Variants in SBF2 observed in about 807,000 individuals in gnomAD.
SBF2 encodes the protein SET binding factor 2.
In SBF2, 112 loss-of-function variants were observed where a neutral mutation model predicts 225.2. That is an observed-to-expected ratio of 0.50 (90% CI 0.43 to 0.58). The LOEUF is 0.58. Ranked by LOEUF, SBF2 falls within the 20% of genes least tolerant of loss-of-function variation. The pLI is 0.00. For missense variants in SBF2, 1,996 were observed against 2,206.2 expected (o/e 0.90, Z 1.91); for synonymous variants, 763 against 773.3 (o/e 0.99, Z 0.22).
chr11:9,892,433 C>T (rs909596973), intron 17 of SBF2, among the ~76,000 whole-genome samples: 4 of 152,094 alleles, frequency 2.6e-5, no homozygotes, highest in African/African-American at 9.7e-5. Context: ...GGCCCCTGAC[C>T]CTCATTCCCA....
At chr11:9,971,666 G>A (rs1946464734) in intron 13 of SBF2, among the ~76,000 whole-genome samples, 2 of 152,110 alleles carry the variant, frequency 1.3e-5, no homozygotes, top group South Asian at 4.1e-4. Flanking sequence ...GTGACAGAGT[G>A]AGACCTTGTC....
intron 16 of SBF2, among the ~76,000 whole-genome samples, chr11:9,920,698 A>C (rs751645773): frequency 2.0e-5 from 3 of 152,144 alleles, no homozygotes; most frequent in Non-Finnish European, 2.9e-5. Context: ...GTTTTAAAAT[A>C]CTAGCTGCAG....
At chr11:9,889,292 T>C (rs1022353108) in intron 17 of SBF2, among the ~76,000 whole-genome samples, 1 of 152,190 alleles carries the variant, frequency 6.6e-6, no homozygotes, top group Admixed American at 6.5e-5. Context: ...ATGACACAGA[T>C]TACTTTTTCC....
At chr11:9,830,830 G>C (rs1344183966) in intron 27 of SBF2, among the ~76,000 whole-genome samples, 2 of 150,510 alleles carry the variant, frequency 1.3e-5, no homozygotes, top group Admixed American at 1.3e-4. Context: ...AAATGTGGAA[G>C]TTGAATATGA....
At position 9,829,099 on chromosome 11, in the gene SBF2, A is replaced by AC. The variant is rs1855227604; in HGVS notation, c.3793+256dup. Among the ~76,000 whole-genome samples, 5 of 152,308 alleles carry AC rather than the reference A, an allele frequency of 3.3e-5. No homozygotes were observed. In the South Asian group the frequency reaches 1.0e-3, roughly 32 times the overall value. On this transcript the variant is annotated intron_variant, in intron 28 of 39. Coordinates refer to ENST00000256190, the MANE Select transcript of SBF2 (RefSeq NM_030962.4). ...AGACCAGACTGGGCAACACAGTGAGACCCCATCTCTTAAAAAAAAGAAAAT... is the reference window on the plus strand; with the variant it reads ...AGACCAGACTGGGCAACACAGTGAGACCCCCATCTCTTAAAAAAAAGAAAAT...
chr11:10,245,928 T>G (rs114900138), intron 1 of SBF2, among the ~76,000 whole-genome samples: 24 of 152,246 alleles, frequency 1.6e-4, no homozygotes, highest in African/African-American at 5.8e-4. Flanking sequence ...GAATCTATAA[T>G]AGCCAAACTC....
At chr11:10,080,890 C>G (rs537674424) in intron 2 of SBF2, among the ~76,000 whole-genome samples, 8 of 152,130 alleles carry the variant, frequency 5.3e-5, no homozygotes, top group Non-Finnish European at 1.2e-4. Context: ...ATAAAGCAAT[C>G]AATTCACCAA....
chr11:9,841,678 G>C (rs1002061282), intron 25 of SBF2, among the ~76,000 whole-genome samples: 1 of 152,026 alleles, frequency 6.6e-6, no homozygotes, highest in Non-Finnish European at 1.5e-5. Context: ...GACTACAGGC[G>C]CATGCCACCA....
chr11:9,833,690 G>A (rs548150937), intron 26 of SBF2, among the ~76,000 whole-genome samples: 1 of 151,814 alleles, frequency 6.6e-6, no homozygotes, highest in Non-Finnish European at 1.5e-5. Context: ...AAAGTGCTGG[G>A]ATTACAGGCA....
intron 2 of SBF2, among the ~76,000 whole-genome samples, chr11:10,124,624 TGA>T (rs1247791906): frequency 6.6e-6 from 1 of 152,206 alleles, no homozygotes; most frequent in African/African-American, 2.4e-5. Flanking sequence ...TGTATTTTCA[TGA>T]GAGTCATTTT....
chr11:9,914,667 T>C (rs1184029387), intron 16 of SBF2, among the ~76,000 whole-genome samples: 1 of 152,062 alleles, frequency 6.6e-6, no homozygotes, highest in African/African-American at 2.4e-5. Context: ...GCATGATCCA[T>C]GAAAGAAATA....
chr11:9,976,441 G>A (rs1946686755), intron 13 of SBF2, among the ~76,000 whole-genome samples: 1 of 151,968 alleles, frequency 6.6e-6, no homozygotes, highest in Non-Finnish European at 1.5e-5. Flanking sequence ...TTCTAAAACT[G>A]TCAGACAAAG....
intron 2 of SBF2, among the ~76,000 whole-genome samples, chr11:10,091,938 T>C (rs184927166): frequency 3.3e-5 from 5 of 152,336 alleles, no homozygotes; most frequent in Admixed American, 2.6e-4. Flanking sequence ...GCCCAGAAGT[T>C]ATCAGTACAA....
chr11:9,824,307 C>A (rs1319444228), intron 28 of SBF2, among the ~76,000 whole-genome samples: 3 of 151,966 alleles, frequency 2.0e-5, no homozygotes, highest in Non-Finnish European at 4.4e-5. Context: ...ACCTGTAATC[C>A]CAGCAATTTG....
rs142569467 is a variant in SBF2, at chr11:10,075,310, TGTAA to T, written c.142-32333_142-32330del. Reference sequence around the variant, plus strand: ...CTGGTTAGCATTCTGCCTCAGACATTGTAAGTGATTAATAAACACTGTTATAGAA... The same window carrying T: ...CTGGTTAGCATTCTGCCTCAGACATTGTGATTAATAAACACTGTTATAGAA... On this transcript the variant is annotated intron_variant, in intron 2 of 39. Transcript: ENST00000256190. Among the ~76,000 whole-genome samples the T allele has an allele frequency of 6.2e-3, 942 of 152,336 alleles. 15 individuals are homozygous for T. Among genetic ancestry groups the T allele is most frequent in the African/African-American group, 0.021 (877 of 41,580 alleles).
intron 2 of SBF2, among the ~76,000 whole-genome samples, chr11:10,113,798 T>TAA (rs56742374): frequency 3.5e-5 from 5 of 144,014 alleles, no homozygotes; most frequent in Non-Finnish European, 3.1e-5. Context: ...ACATGCAGTT[T>TAA]AAAAAAAAAA....
chr11:10,034,596 C>T (rs375562928), intron 3 of SBF2, among the ~76,000 whole-genome samples: 20 of 152,138 alleles, frequency 1.3e-4, no homozygotes, highest in African/African-American at 4.3e-4. Context: ...CTTCTCTGTG[C>T]TATGTTCATT....
intron 1 of SBF2, among the ~76,000 whole-genome samples, chr11:10,228,703 G>A (rs1037509910): frequency 1.3e-5 from 2 of 152,132 alleles, no homozygotes; most frequent in African/African-American, 2.4e-5. Flanking sequence ...TTTTTGATGT[G>A]CTGCTGGATT....
At chr11:9,796,196 T>C (rs953740680) in intron 32 of SBF2, among the ~76,000 whole-genome samples, 3 of 151,950 alleles carry the variant, frequency 2.0e-5, no homozygotes, top group African/African-American at 7.3e-5. Context: ...ATTTAATCTC[T>C]ACGGTATAGC....
Sources: gnomAD v4.1 joint callset for allele counts (sites outside exome capture counted in the v4.1 genomes callset) on GRCh38, gnomAD v4.1.1 for gene constraint, MANE v1.5 for transcripts, NCBI Gene and HGNC (gene_info 2026-07-23, HGNC 2026-07-21) for gene names.